The following LHFPL3 variants were observed in gnomAD, a reference collection of about 807,000 sequenced individuals.
The protein encoded by LHFPL3 is LHFPL tetraspan subfamily member 3 protein.
LHFPL3 carries 5 observed loss-of-function variants against 19.3 expected under a neutral mutation model. The ratio of observed to expected loss-of-function variants is 0.26; its 90% CI spans 0.14 to 0.54. The LOEUF is 0.54. LHFPL3 is among the 20% of genes least tolerant of loss of function. The pLI is 0.94. For missense variants in LHFPL3, 249 were observed against 307.4 expected (o/e 0.81, Z 1.42); for synonymous variants, 133 against 126.2 (o/e 1.05, Z -0.36).
intron 2 of LHFPL3, among the ~76,000 whole-genome samples, chr7:104,861,252 G>A (rs889979483): frequency 1.3e-5 from 2 of 152,208 alleles, no homozygotes; most frequent in African/African-American, 2.4e-5. Flanking sequence ...ATAAGACAGA[G>A]ATAAAGGGCA....
chr7:104,755,448 G>C (rs1395980683), intron 2 of LHFPL3, among the ~76,000 whole-genome samples: 1 of 152,110 alleles, frequency 6.6e-6, no homozygotes, highest in East Asian at 1.9e-4. Context: ...AGTGAACATA[G>C]CCTAGCTGAG....
At chr7:104,367,337 G>A (rs1790513635) in intron 1 of LHFPL3, among the ~76,000 whole-genome samples, 1 of 152,302 alleles carries the variant, frequency 6.6e-6, no homozygotes. Flanking sequence ...GGCAGCCCTT[G>A]TATTTCCAGC....
At position 104,337,330 on chromosome 7, in the gene LHFPL3, A is replaced by G. The variant is rs190463992; in HGVS notation, c.445+8106A>G. Among the ~76,000 whole-genome samples, 752 of 152,286 alleles carry G rather than the reference A, an allele frequency of 4.9e-3. 1 individual carries two copies. Among genetic ancestry groups the G allele is most frequent in the Non-Finnish European group, 8.4e-3 (568 of 68,012 alleles). On this transcript the variant is annotated intron_variant, in intron 1 of 2. Coordinates refer to ENST00000424859, the MANE Select transcript of LHFPL3 (RefSeq NM_199000.3). ...GTTGGAAAGCCTGTGGAATTTCATA[A>G]CATCAGATGCCTATTTAATTTGATA... is the stretch of plus-strand genomic sequence containing the variant.
chr7:104,905,651 G>A (rs904590917), intron 2 of LHFPL3, among the ~76,000 whole-genome samples: 1 of 152,150 alleles, frequency 6.6e-6, no homozygotes, highest in South Asian at 2.1e-4. Flanking sequence ...ATGTTTAAAT[G>A]TTTAAAGTAT....
chr7:104,450,635 AT>A (rs1792416639), intron 1 of LHFPL3, among the ~76,000 whole-genome samples: 1 of 152,082 alleles, frequency 6.6e-6, no homozygotes, highest in Non-Finnish European at 1.5e-5. Context: ...TGACGGGTTG[AT>A]GGGTGCAGCA....
chr7:104,851,114 A>G (rs1234462495), intron 2 of LHFPL3, among the ~76,000 whole-genome samples: 1 of 152,246 alleles, frequency 6.6e-6, no homozygotes, highest in Non-Finnish European at 1.5e-5. Flanking sequence ...CAAGTATATC[A>G]TAGTGTTCCA....
At chr7:104,333,361 A>G (rs1801605823) in intron 1 of LHFPL3, among the ~76,000 whole-genome samples, 1 of 152,222 alleles carries the variant, frequency 6.6e-6, no homozygotes, top group Non-Finnish European at 1.5e-5. Context: ...AGATGTGGAA[A>G]GATACTCGCT....
At position 104,328,815 on chromosome 7, in the gene LHFPL3, C is replaced by T. The variant is rs749540465; in HGVS notation, c.36C>T (p.Ala12=). The T allele has an allele frequency of 5.6e-6, 9 of 1,610,408 alleles. No homozygotes were observed. In the African/African-American group the frequency reaches 9.4e-5, roughly 17 times the overall value. Residue 12 remains alanine, a synonymous_variant, in exon 1 of 3, where the codon GCC becomes GCT. Coordinates refer to ENST00000424859, the MANE Select transcript of LHFPL3 (RefSeq NM_199000.3). This position sits in a 1 kb window ranked among gnomAD's most constrained non-coding sequence, Gnocchi z 4.6. ...PGAAAAAAAA[A]AAMLPAQEAA... is the part of the protein sequence containing the mutation. ...CCGCCGCCGCTGCCGCCGCCGCCGC[C>T]GCCGCGATGCTCCCGGCTCAGGAGG...
At chr7:104,744,883 G>T (rs765320326) in intron 2 of LHFPL3, among the ~76,000 whole-genome samples, 1 of 152,058 alleles carries the variant, frequency 6.6e-6, no homozygotes, top group Non-Finnish European at 1.5e-5. Context: ...TTTAACTGGT[G>T]TATCCTTTCT....
chr7:104,510,677 C>T (rs1376554542), intron 1 of LHFPL3, among the ~76,000 whole-genome samples: 1 of 151,990 alleles, frequency 6.6e-6, no homozygotes, highest in East Asian at 1.9e-4. Context: ...AAATGAAACA[C>T]TGACAAGTTG....
chr7:104,367,454 C>A (rs1239109380), intron 1 of LHFPL3, among the ~76,000 whole-genome samples: 5 of 152,190 alleles, frequency 3.3e-5, no homozygotes, highest in Admixed American at 6.5e-5. Context: ...ACTCAAACTT[C>A]TGTGTATTAA....
At chr7:104,557,697 C>CT (rs1789876854) in intron 1 of LHFPL3, among the ~76,000 whole-genome samples, 1 of 151,276 alleles carries the variant, frequency 6.6e-6, no homozygotes, top group Non-Finnish European at 1.5e-5. Context: ...TTTTATTATA[C>CT]TTTAAGTTTT....
chr7:104,351,825 G>C (rs941034724), intron 1 of LHFPL3, among the ~76,000 whole-genome samples: 10 of 152,112 alleles, frequency 6.6e-5, no homozygotes, highest in Non-Finnish European at 1.3e-4. Context: ...GCACCCTCCT[G>C]TCCTGACCAT....
chr7:104,414,405 G>A (rs532911216), intron 1 of LHFPL3, among the ~76,000 whole-genome samples: 1 of 152,276 alleles, frequency 6.6e-6, no homozygotes, highest in Middle Eastern at 3.4e-3. Flanking sequence ...GGACAACATC[G>A]TTAGGCTCTT....
intron 1 of LHFPL3, among the ~76,000 whole-genome samples, chr7:104,692,588 A>T (rs909779354): frequency 3.3e-5 from 5 of 152,234 alleles, no homozygotes; most frequent in African/African-American, 1.2e-4. Flanking sequence ...GCTGTGGCTA[A>T]AAAGGGCCAA....
chr7:104,469,621 C>A (rs1368041103), intron 1 of LHFPL3, among the ~76,000 whole-genome samples: 1 of 152,180 alleles, frequency 6.6e-6, no homozygotes, highest in East Asian at 1.9e-4. Flanking sequence ...CTGCTTACCC[C>A]ACCTGGACTT....
intron 2 of LHFPL3, among the ~76,000 whole-genome samples, chr7:104,815,280 G>A (rs1473873468): frequency 1.3e-5 from 2 of 152,140 alleles, no homozygotes; most frequent in Non-Finnish European, 2.9e-5. Flanking sequence ...TGATGGCAGG[G>A]GCAGCTCCAG....
intron 1 of LHFPL3, among the ~76,000 whole-genome samples, chr7:104,590,088 A>G (rs1301565600): frequency 1.3e-5 from 2 of 152,040 alleles, no homozygotes; most frequent in African/African-American, 4.8e-5. Flanking sequence ...ATTTTTTTGA[A>G]GGGTTTTTTG....
At chr7:104,808,113 C>A (rs1319039154) in intron 2 of LHFPL3, among the ~76,000 whole-genome samples, 1 of 152,138 alleles carries the variant, frequency 6.6e-6, no homozygotes, top group Non-Finnish European at 1.5e-5. Context: ...TACTCTTCTC[C>A]CCCATCAGCC....
Sources: allele counts gnomAD v4.1 joint callset (sites outside exome capture counted in the v4.1 genomes callset), GRCh38; gene constraint gnomAD v4.1.1; non-coding constraint Gnocchi (gnomAD v3.1); transcripts MANE v1.5; gene names NCBI Gene and HGNC (gene_info 2026-07-23, HGNC 2026-07-21).